PLEKHA2: variants seen among roughly 807,000 people sequenced by gnomAD.
PLEKHA2 encodes pleckstrin homology domain containing A2.
A neutral mutation model predicts 53.2 loss-of-function variants in PLEKHA2; 28 were observed. The observed-to-expected ratio is 0.53, with a 90% CI of 0.39 to 0.72. The LOEUF is 0.72. Ranked by LOEUF, PLEKHA2 falls within the 30% of genes least tolerant of loss-of-function variation. The pLI is 0.00. For synonymous variants in PLEKHA2, 193 were observed against 196.4 expected, an observed-to-expected ratio of 0.98 and a Z score of 0.14; for missense variants, 426 against 537.9, an observed-to-expected ratio of 0.79 and a Z score of 2.06.
intron 5 of PLEKHA2, among the ~76,000 whole-genome samples, chr8:38,947,774 C>G (rs914561430): frequency 2.6e-5 from 4 of 152,024 alleles, no homozygotes; most frequent in Admixed American, 2.6e-4. Flanking sequence ...GCCTCCTTTT[C>G]TGGCCACTGG....
chr8:38,955,183 T>C (rs980839053), intron 9 of PLEKHA2, among the ~76,000 whole-genome samples: 8 of 152,198 alleles, frequency 5.3e-5, no homozygotes, highest in Non-Finnish European at 1.2e-4. Flanking sequence ...GGTGCCCAAA[T>C]GCATAGTCTT....
chr8:38,961,809 C>T (rs1384801101), intron 10 of PLEKHA2, among the ~76,000 whole-genome samples: 1 of 142,376 alleles, frequency 7.0e-6, no homozygotes. Flanking sequence ...ATTCTAACCA[C>T]TTAGATCTTG....
At chr8:38,921,412 C>A (rs538234876) in intron 2 of PLEKHA2, among the ~76,000 whole-genome samples, 11 of 152,352 alleles carry the variant, frequency 7.2e-5, no homozygotes, top group African/African-American at 2.6e-4. Context: ...AGAGTTGGAT[C>A]TTTCTTCACA....
intron 2 of PLEKHA2, among the ~76,000 whole-genome samples, chr8:38,929,992 G>A (rs369318440): frequency 3.3e-5 from 5 of 152,202 alleles, no homozygotes; most frequent in Non-Finnish European, 5.9e-5. Context: ...AAATACTGCT[G>A]TTGCTAGAAA....
At chr8:38,904,373 A>C (rs536564198) in intron 1 of PLEKHA2, among the ~76,000 whole-genome samples, 1 of 152,356 alleles carries the variant, frequency 6.6e-6, no homozygotes, top group South Asian at 2.1e-4. Context: ...TTTTGCCCAC[A>C]GTGCCTGGTC....
intron 2 of PLEKHA2, among the ~76,000 whole-genome samples, chr8:38,926,732 C>T (rs960078973): frequency 1.3e-5 from 2 of 152,218 alleles, no homozygotes; most frequent in African/African-American, 4.8e-5. Flanking sequence ...GAGTTCAAGA[C>T]CAGCCTGGCC....
intron 3 of PLEKHA2, among the ~76,000 whole-genome samples, chr8:38,940,467 C>T (rs949849482): frequency 1.3e-5 from 2 of 151,952 alleles, no homozygotes; most frequent in African/African-American, 4.8e-5. Flanking sequence ...CTGGGATGGC[C>T]AAACACAGTT....
At chr8:38,947,538 AC>A (rs1834738204) in intron 5 of PLEKHA2, among the ~76,000 whole-genome samples, 1 of 152,186 alleles carries the variant, frequency 6.6e-6, no homozygotes, top group Non-Finnish European at 1.5e-5. Context: ...CAGGAGGATC[AC>A]TTGAGCCCAG....
At chr8:38,903,533 T>A (rs1833824999) in intron 1 of PLEKHA2, among the ~76,000 whole-genome samples, 1 of 152,086 alleles carries the variant, frequency 6.6e-6, no homozygotes, top group African/African-American at 2.4e-5. Context: ...CAGGTTTTGG[T>A]TGGTGCAGGT....
chr8:38,932,780 A>G (rs978482570), intron 2 of PLEKHA2, among the ~76,000 whole-genome samples: 8 of 152,214 alleles, frequency 5.3e-5, no homozygotes, highest in African/African-American at 1.9e-4. Flanking sequence ...TTTCCCCTGG[A>G]TGGGGAGGAA....
intron 1 of PLEKHA2, among the ~76,000 whole-genome samples, chr8:38,915,150 T>G (rs1236157757): frequency 6.6e-6 from 1 of 152,138 alleles, no homozygotes; most frequent in African/African-American, 2.4e-5. Context: ...CTCACTGTGT[T>G]GCGCACGTTG....
chr8:38,906,560 C>A (rs898845311), intron 1 of PLEKHA2, among the ~76,000 whole-genome samples: 6 of 152,222 alleles, frequency 3.9e-5, no homozygotes, highest in Non-Finnish European at 8.8e-5. Flanking sequence ...GTTTGCATTC[C>A]TCACCCTGCA....
chr8:38,912,312 AAAAC>A (rs561001146), intron 1 of PLEKHA2, among the ~76,000 whole-genome samples: 200 of 152,376 alleles, frequency 1.3e-3, no homozygotes, highest in African/African-American at 4.6e-3. Context: ...CTCAAAAAAC[AAAAC>A]AAACAAACAA....
At chr8:38,914,185 C>T (rs1242551840) in intron 1 of PLEKHA2, among the ~76,000 whole-genome samples, 2 of 152,230 alleles carry the variant, frequency 1.3e-5, no homozygotes, top group Non-Finnish European at 2.9e-5. Context: ...CACTGAGTAG[C>T]TGTGGGATTC....
chr8:38,912,976 G>T (rs897623469), intron 1 of PLEKHA2, among the ~76,000 whole-genome samples: 1 of 152,140 alleles, frequency 6.6e-6, no homozygotes, highest in East Asian at 1.9e-4. Context: ...CCTTGGGTCC[G>T]TGAGGGCCCT....
Position 38,969,885 on chromosome 8 carries a change from A to C in PLEKHA2, c.*102A>C. The C allele has an allele frequency of 6.8e-7, 1 of 1,474,026 alleles. No individual in the cohort carries two copies. The highest frequency in any genetic ancestry group is 2.5e-5 in the East Asian group (1 of 40,550). 91.3% of individuals were successfully genotyped at this position (1,474,026 alleles called of 1,614,324 possible). A position where few individuals can be genotyped will look rare whatever the true frequency, so the allele number is the denominator to read the frequency against. ...TGTTGGAGGGTAGTCAGAGGCCTTT[A>C]TGTCACTCATATTCCTGTGGATGCT... On this transcript the variant is annotated 3_prime_UTR_variant, in exon 12 of 12. Transcript: ENST00000617275.
At chr8:38,945,991 G>A in intron 4 of PLEKHA2, 133 bp from the exon 5 acceptor site, 3 of 678,112 alleles carry the variant, frequency 4.4e-6, no homozygotes, top group Non-Finnish European at 7.7e-6. Flanking sequence ...TTAGCATCAT[G>A]GGAGATTTCT....
intron 1 of PLEKHA2, among the ~76,000 whole-genome samples, chr8:38,905,309 T>C (rs892848805): frequency 6.6e-6 from 1 of 151,796 alleles, no homozygotes; most frequent in Non-Finnish European, 1.5e-5. Flanking sequence ...AATTGAAAAA[T>C]TAGCTAGCTG....
intron 2 of PLEKHA2, among the ~76,000 whole-genome samples, chr8:38,933,778 T>TAA (rs774899490): frequency 3.1e-4 from 15 of 49,016 alleles, no homozygotes; most frequent in Admixed American, 6.2e-4. Flanking sequence ...AGAGGTTTCC[T>TAA]AAAAAAAAAA....
Sources: allele counts gnomAD v4.1 joint callset (sites outside exome capture counted in the v4.1 genomes callset), GRCh38; gene constraint gnomAD v4.1.1; transcripts MANE v1.5; gene names NCBI Gene and HGNC (gene_info 2026-07-23, HGNC 2026-07-21).